ELAPOR2: variants seen among roughly 807,000 people sequenced by gnomAD.
ELAPOR2 encodes endosome/lysosome-associated apoptosis and autophagy regulator family member 2.
A neutral mutation model predicts 120.7 loss-of-function variants in ELAPOR2; 89 were observed. The ratio of observed to expected loss-of-function variants is 0.74; its 90% confidence interval spans 0.62 to 0.88. The LOEUF is 0.88. Ranked by LOEUF, ELAPOR2 falls within the 40% of genes least tolerant of loss-of-function variation. ELAPOR2 has a pLI of 0.00. For missense variants in ELAPOR2, 1,134 were observed against 1,251.6 expected (o/e 0.91, Z 1.42); for synonymous variants, 444 against 444.9 (o/e 1.00, Z 0.03).
intron 8 of ELAPOR2, among the ~76,000 whole-genome samples, chr7:86,932,554 T>C (rs564060406): frequency 2.6e-5 from 4 of 151,978 alleles, no homozygotes; most frequent in East Asian, 1.9e-4. Flanking sequence ...ATAAATAAAA[T>C]CTTAAGTCTT....
chr7:86,940,981 A>G (rs1024932571), intron 5 of ELAPOR2, among the ~76,000 whole-genome samples: 3 of 152,108 alleles, frequency 2.0e-5, no homozygotes, highest in African/African-American at 7.2e-5. Context: ...GTGTTAAGGT[A>G]TACGGATCTT....
At chr7:86,993,246 A>AAAAAAAAAAAAAAAAG (rs796528835) in intron 1 of ELAPOR2, among the ~76,000 whole-genome samples, 1 of 143,988 alleles carries the variant, frequency 6.9e-6, no homozygotes. Context: ...AAAAAAAAAA[A>AAAAAAAAAAAAAAAAG]AAAAGAAAAA....
chr7:87,059,554 C>G lies in ELAPOR2; in HGVS notation c.-41G>C, dbSNP rs1345306567. 8.6e-7 allele frequency: 1 copy of G among 1,161,610 alleles called. No homozygotes were observed. The highest frequency in any genetic ancestry group is 3.5e-4 in the Middle Eastern group (1 of 2,824). The allele number at this position is 1,161,610 out of a possible 1,614,324, so 72.0% of individuals were successfully genotyped here. A position where few individuals can be genotyped will look rare whatever the true frequency, so the allele number is the denominator to read the frequency against. On this transcript the variant is annotated 5_prime_UTR_variant, in exon 1 of 22. Transcript: ENST00000450689. Reference sequence around the variant, plus strand: ...GTCGGCGGGCCGGCGGCAAGGCAGCCTTCCCGGGGTGCGGCGGCAGCTCCG... The same window carrying G: ...GTCGGCGGGCCGGCGGCAAGGCAGCGTTCCCGGGGTGCGGCGGCAGCTCCG...
chr7:86,922,855 A>G (rs1195685088), intron 10 of ELAPOR2, among the ~76,000 whole-genome samples: 8 of 151,922 alleles, frequency 5.3e-5, no homozygotes, highest in Non-Finnish European at 1.2e-4. Context: ...TAAAAGAGTT[A>G]TTGAGTCAAA....
At chr7:86,961,976 A>G (rs941081086) in intron 2 of ELAPOR2, among the ~76,000 whole-genome samples, 1 of 152,148 alleles carries the variant, frequency 6.6e-6, no homozygotes, top group African/African-American at 2.4e-5. Context: ...AGAGAGGACA[A>G]AAAGACAATG....
Position 87,059,353 on chromosome 7 carries a change from G to A in ELAPOR2, c.161C>T (p.Ser54Phe). 8.8e-6 allele frequency: 11 copies of A among 1,247,750 alleles called. No individual in the cohort carries two copies. The highest frequency in any genetic ancestry group is 1.1e-5 in the Non-Finnish European group (11 of 988,734). The allele number at this position is 1,247,750 out of a possible 1,614,324, so 77.3% of individuals were successfully genotyped here. The part of the protein sequence containing the change: ...AAWAGDLPSS[S>F]SRPLPPCQEK... ...CTGGCAAGGAGGAAGCGGGCGGCTGGAGGAGGAGGGCAGGTCCCCAGCCCA... is the reference window on the plus strand; with the variant it reads ...CTGGCAAGGAGGAAGCGGGCGGCTGAAGGAGGAGGGCAGGTCCCCAGCCCA... Residue 54 changes from serine to phenylalanine, a missense_variant, in exon 1 of 22, where the codon TCC becomes TTC. By Grantham distance (155) the Ser-to-Phe change is radical (BLOSUM62 -2). This residue lies in a region of ELAPOR2 where 280 missense variants were observed against 331.5 expected (regional missense o/e 0.84). Coordinates refer to ENST00000450689, the MANE Select transcript of ELAPOR2 (RefSeq NM_001142749.3).
intron 2 of ELAPOR2, among the ~76,000 whole-genome samples, chr7:86,957,763 A>G (rs1791534894): frequency 6.6e-6 from 1 of 152,216 alleles, no homozygotes; most frequent in Non-Finnish European, 1.5e-5. Context: ...AAGTGGAGGC[A>G]GGAGGATCAC....
chr7:86,894,270 AATTT>A (rs1169405856), intron 19 of ELAPOR2, among the ~76,000 whole-genome samples: 1 of 152,072 alleles, frequency 6.6e-6, no homozygotes, highest in African/African-American at 2.4e-5. Flanking sequence ...AGTGCAAATC[AATTT>A]CTTTTTAAGT....
At chr7:87,048,323 T>C (rs577699794) in intron 1 of ELAPOR2, among the ~76,000 whole-genome samples, 1 of 152,024 alleles carries the variant, frequency 6.6e-6, no homozygotes, top group Non-Finnish European at 1.5e-5. Context: ...GATTCTGTCA[T>C]TTGCAACAAC....
chr7:86,999,440 A>G lies in ELAPOR2; in HGVS notation c.190-34416T>C, dbSNP rs112603479. ...TCTAGGGTAACTCTTAACTAATCTT[A>G]AGTGAAATATTCTATAAGTTATCAT... is the stretch of plus-strand genomic sequence containing the variant. On this transcript the variant is annotated intron_variant, in intron 1 of 21. Transcript: ENST00000450689. Among the ~76,000 whole-genome samples, 448 of 152,272 alleles carry G rather than the reference A, an allele frequency of 2.9e-3. 3 individuals carry two copies. Among genetic ancestry groups the G allele is most frequent in the African/African-American group, 0.01 (433 of 41,568 alleles).
At chr7:86,996,267 T>C (rs1009488716) in intron 1 of ELAPOR2, among the ~76,000 whole-genome samples, 2 of 152,016 alleles carry the variant, frequency 1.3e-5, no homozygotes, top group African/African-American at 4.8e-5. Context: ...ATTTATGATA[T>C]GACCTGGAAG....
chr7:86,968,124 A>C (rs558889423), intron 1 of ELAPOR2, among the ~76,000 whole-genome samples: 1 of 152,332 alleles, frequency 6.6e-6, no homozygotes, highest in Admixed American at 6.5e-5. Flanking sequence ...GGTACGATGT[A>C]TATTTTCCAA....
chr7:87,026,651 G>A (rs1016843291), intron 1 of ELAPOR2, among the ~76,000 whole-genome samples: 2 of 151,756 alleles, frequency 1.3e-5, no homozygotes, highest in African/African-American at 4.8e-5. Context: ...GGAGTGATAG[G>A]CCCATAAAAA....
intron 8 of ELAPOR2, among the ~76,000 whole-genome samples, chr7:86,929,614 T>C (rs1265151210): frequency 6.6e-6 from 1 of 152,024 alleles, no homozygotes; most frequent in African/African-American, 2.4e-5. Flanking sequence ...CCCAAATACA[T>C]ATCAGCATTC....
At position 86,926,818 on chromosome 7, in the gene ELAPOR2, C is replaced by G. The variant is rs751388859; in HGVS notation, c.1188G>C (p.Pro396=). The G allele has an allele frequency of 6.2e-7, 1 of 1,608,038 alleles. No individual in the cohort carries two copies. The highest frequency in any genetic ancestry group is 8.5e-7 in the Non-Finnish European group (1 of 1,177,538). ...TGTTATAAAATCCAGGGTTGCAAGG[C>G]GGACAATCCTTCTTCTCTCCAGAAG... is the stretch of plus-strand genomic sequence containing the variant. ...LPPSGEKKDC[P]PCNPGFYNNG... Residue 396 remains proline (P), a synonymous_variant, in exon 9 of 22, where the codon CCG becomes CCC. Transcript: ENST00000450689.
chr7:86,981,989 G>A (rs1767708), intron 1 of ELAPOR2, among the ~76,000 whole-genome samples: 57,629 of 152,190 alleles, frequency 0.38, 11,774 homozygotes, highest in African/African-American at 0.53. Flanking sequence ...CTTAGCAAAC[G>A]GCAAGCCAAG....
intron 1 of ELAPOR2, among the ~76,000 whole-genome samples, chr7:87,024,375 T>C (rs994666290): frequency 6.6e-6 from 1 of 152,194 alleles, no homozygotes; most frequent in African/African-American, 2.4e-5. Flanking sequence ...TTTATTGATT[T>C]GCATATATTG....
chr7:86,938,137 C>A lies in ELAPOR2; in HGVS notation c.1078G>T (p.Glu360Ter). 1 of 1,550,532 alleles carries A rather than the reference C, an allele frequency of 6.4e-7. No homozygotes were observed. Among genetic ancestry groups the A allele is most frequent in the Non-Finnish European group, 8.7e-7 (1 of 1,145,794 alleles). Residue 360 changes from glutamate to a stop codon, truncating the protein, a stop_gained, in exon 8 of 22, where the codon GAA becomes TAA. Coordinates refer to ENST00000450689, the MANE Select transcript of ELAPOR2 (RefSeq NM_001142749.3). LOFTEE classifies it high-confidence loss of function. Reference protein sequence around the residue: ...DYFQIHTPCDEEGKTQIMYKW... With the variant: ...DYFQIHTPCD Reference sequence around the variant, plus strand: ...AACACTGCTGGTACCTTTCCTTCTTCATCACATGGAGTATGGATCTGGAAA... The same window carrying A: ...AACACTGCTGGTACCTTTCCTTCTTAATCACATGGAGTATGGATCTGGAAA...
At chr7:87,043,289 T>C (rs546335718) in intron 1 of ELAPOR2, among the ~76,000 whole-genome samples, 1,525 of 148,912 alleles carry the variant, frequency 0.01, 32 homozygotes, top group African/African-American at 0.037. Context: ...GATACCAAAG[T>C]CAGGCAGAGA....
Sources: allele counts gnomAD v4.1 joint callset (sites outside exome capture counted in the v4.1 genomes callset), GRCh38; gene constraint gnomAD v4.1.1; regional missense constraint gnomAD v4.1.1; transcripts MANE v1.5; gene names NCBI Gene and HGNC (gene_info 2026-07-23, HGNC 2026-07-21).